FAT3: variants seen among roughly 807,000 people sequenced by gnomAD.
FAT3 encodes the protein FAT atypical cadherin 3, also known as protocadherin Fat 3.
In FAT3, 95 loss-of-function variants were observed where a neutral mutation model predicts 310.2. The observed-to-expected ratio is 0.31, with a 90% CI of 0.26 to 0.36. The LOEUF (loss-of-function observed/expected upper bound fraction) is 0.36, where lower values mean the gene tolerates loss of function less well. Ranked by LOEUF, FAT3 falls within the 10% of genes least tolerant of loss-of-function variation. The pLI is 1.00. For missense variants in FAT3, 5,408 were observed against 5,715.6 expected (o/e 0.95, Z 1.74); for synonymous variants, 2,314 against 2,192.9 (o/e 1.06, Z -1.54).
At chr11:92,774,552 C>G (rs577021795) in intron 7 of FAT3, among the ~76,000 whole-genome samples, 33 of 152,130 alleles carry the variant, frequency 2.2e-4, no homozygotes, top group African/African-American at 7.2e-4. Flanking sequence ...TTTTTTTAGT[C>G]ACAGAAAGTT....
chr11:92,853,462 G>C (rs570946635), intron 19 of FAT3, among the ~76,000 whole-genome samples: 1 of 152,212 alleles, frequency 6.6e-6, no homozygotes, highest in East Asian at 1.9e-4. Context: ...CTTGTCGCCC[G>C]CAATGTGGAG....
In FAT3 at chr11:92,513,747, T is replaced by C. The variant is rs567921512; in HGVS notation, c.3293-10887T>C. Among the ~76,000 whole-genome samples, 19 of 152,308 alleles carry C rather than the reference T, an allele frequency of 1.2e-4. No individual in the cohort carries two copies. In the South Asian group the frequency reaches 3.9e-3, roughly 32 times the overall value. Reference sequence around the variant, plus strand: ...AAGTGAACAGACTCTGTTAGAAGCATATACAACAGATATGCCATCAAGGTA... The same window carrying C: ...AAGTGAACAGACTCTGTTAGAAGCACATACAACAGATATGCCATCAAGGTA... On this transcript the variant is annotated intron_variant, in intron 2 of 27. Coordinates refer to ENST00000525166, the MANE Select transcript of FAT3 (RefSeq NM_001367949.2).
At chr11:92,417,801 CT>C (rs1394950421) in intron 2 of FAT3, among the ~76,000 whole-genome samples, 2 of 152,164 alleles carry the variant, frequency 1.3e-5, no homozygotes, top group Non-Finnish European at 2.9e-5. Context: ...GTAATAGACC[CT>C]GACTTTCCTG....
chr11:92,710,741 T>C (rs375797146), intron 4 of FAT3, among the ~76,000 whole-genome samples: 72 of 152,342 alleles, frequency 4.7e-4, no homozygotes, highest in African/African-American at 1.7e-3. Context: ...CTTTGATACA[T>C]GCACAAAACC....
chr11:92,805,270 C>T lies in FAT3; in HGVS notation c.9014C>T (p.Thr3005Ile), dbSNP rs369297602. 1.4e-5 allele frequency: 22 copies of T among 1,613,714 alleles called. No homozygotes were observed. Among genetic ancestry groups the T allele is most frequent in the Non-Finnish European group, 1.9e-5 (22 of 1,179,844 alleles). ...QDIYFLNITA[T>I]DGLFVTQAMV... ...ATTTACTTTCTCAATATCACTGCCA[C>T]TGATGGGCTTTTTGTCACACAGGCC... is the stretch of plus-strand genomic sequence containing the variant. The change falls in exon 11 of 28, where the codon ACT becomes ATT. Residue 3005 changes from threonine (T) to isoleucine (I), a missense_variant. Physicochemically the swap from Thr to Ile is moderately conservative, Grantham distance 89. Around this residue, in one of 5 missense-constraint regions of FAT3, gnomAD observed 4,588 missense variants for 4,809.8 expected, o/e 0.95. Coordinates refer to ENST00000525166, the MANE Select transcript of FAT3 (RefSeq NM_001367949.2).
Position 92,867,635 on chromosome 11 carries a change from C to T in FAT3, c.12127+426C>T, listed in dbSNP as rs943961179. Among the ~76,000 whole-genome samples the T allele has an allele frequency of 2.6e-5, 4 of 152,296 alleles. No homozygotes were observed. In the South Asian group the frequency reaches 8.3e-4, roughly 32 times the overall value. The stretch of plus-strand genomic sequence containing the variant: ...CATGAAATTGCTGACCAGACGTAGA[C>T]ATAAAACCTTACTAGAAGCTAAGAC... On this transcript the variant is annotated intron_variant, in intron 22 of 27. Transcript: ENST00000525166.
chr11:92,820,257 GT>G (rs1468884323), intron 13 of FAT3, among the ~76,000 whole-genome samples: 1 of 152,130 alleles, frequency 6.6e-6, no homozygotes, highest in Non-Finnish European at 1.5e-5. Flanking sequence ...TCTCTCCTTG[GT>G]TTGTAGACAG....
chr11:92,874,834 C>T (rs769129582), intron 22 of FAT3, among the ~76,000 whole-genome samples: 2 of 152,120 alleles, frequency 1.3e-5, no homozygotes, highest in Admixed American at 6.5e-5. Flanking sequence ...CCACCACACC[C>T]GGCCTAGTAT....
At chr11:92,440,387 C>A (rs1951039479) in intron 2 of FAT3, among the ~76,000 whole-genome samples, 1 of 152,128 alleles carries the variant, frequency 6.6e-6, no homozygotes, top group East Asian at 1.9e-4. Context: ...CAGATTTATC[C>A]CAACCAAGGG....
intron 2 of FAT3, among the ~76,000 whole-genome samples, chr11:92,428,107 G>T (rs1314557850): frequency 3.3e-5 from 5 of 151,888 alleles, no homozygotes; most frequent in Non-Finnish European, 5.9e-5. Flanking sequence ...TCTTGGGAGG[G>T]TGTATGTGTC....
At chr11:92,659,310 A>G (rs1234882625) in intron 3 of FAT3, among the ~76,000 whole-genome samples, 3 of 152,214 alleles carry the variant, frequency 2.0e-5, no homozygotes, top group African/African-American at 7.2e-5. Flanking sequence ...CCTACTGAAG[A>G]ATAGAACTCA....
At chr11:92,507,686 GT>G (rs1209423533) in intron 2 of FAT3, among the ~76,000 whole-genome samples, 2 of 148,062 alleles carry the variant, frequency 1.4e-5, no homozygotes, top group Non-Finnish European at 2.9e-5. Flanking sequence ...ATGCACACAT[GT>G]GTACATATAC....
rs752549340 is a variant in FAT3, at chr11:92,462,229, G to A, written c.3293-62405G>A. On this transcript the variant is annotated intron_variant, in intron 2 of 27. Coordinates refer to ENST00000525166, the MANE Select transcript of FAT3 (RefSeq NM_001367949.2). ...TGCAAGTTTGTCTTATGAATAAATT[G>A]CATGTCATGGGGGTTTGATGTACAG... 8.5e-5 allele frequency among the ~76,000 whole-genome samples: 13 copies of A among 152,054 alleles called. 1 individual carries two copies. In the Middle Eastern group the frequency reaches 0.01, roughly 119 times the overall value.
At chr11:92,297,868 A>G (rs888461531) in intron 1 of FAT3, among the ~76,000 whole-genome samples, 9 of 152,100 alleles carry the variant, frequency 5.9e-5, no homozygotes, top group Non-Finnish European at 8.8e-5. Flanking sequence ...ATTGTCCACA[A>G]TCTGTGGCAA....
At chr11:92,576,298 C>A (rs1487980595) in intron 3 of FAT3, among the ~76,000 whole-genome samples, 2 of 152,070 alleles carry the variant, frequency 1.3e-5, no homozygotes, top group East Asian at 3.9e-4. Context: ...GTTTTAATTA[C>A]TTATTGGTCT....
At chr11:92,563,983 G>C (rs540647864) in intron 3 of FAT3, among the ~76,000 whole-genome samples, 2 of 150,974 alleles carry the variant, frequency 1.3e-5, no homozygotes, top group African/African-American at 4.9e-5. Flanking sequence ...ATCAACTAAC[G>C]AGCAAAATAA....
chr11:92,676,336 A>T (rs1451036737), intron 3 of FAT3, among the ~76,000 whole-genome samples: 2 of 152,184 alleles, frequency 1.3e-5, no homozygotes, highest in African/African-American at 4.8e-5. Context: ...AAGCACATAC[A>T]GTTGGTCTTA....
At chr11:92,562,720 T>G (rs1470396751) in intron 3 of FAT3, among the ~76,000 whole-genome samples, 1 of 152,124 alleles carries the variant, frequency 6.6e-6, no homozygotes, top group Admixed American at 6.6e-5. Context: ...TCCTGGAGTT[T>G]GAAGGCCCAA....
intron 1 of FAT3, among the ~76,000 whole-genome samples, chr11:92,234,503 AC>A (rs1864327849): frequency 6.6e-6 from 1 of 152,184 alleles, no homozygotes; most frequent in Non-Finnish European, 1.5e-5. Flanking sequence ...GTGGTGGCTC[AC>A]GCCTGTAATC....
Sources: allele counts gnomAD v4.1 joint callset (sites outside exome capture counted in the v4.1 genomes callset), GRCh38; gene constraint gnomAD v4.1.1; regional missense constraint gnomAD v4.1.1; transcripts MANE v1.5; gene names NCBI Gene and HGNC (gene_info 2026-07-23, HGNC 2026-07-21).